FAT3: variants seen among roughly 807,000 people sequenced by gnomAD.
FAT3 encodes protocadherin Fat 3.
In FAT3, 95 loss-of-function variants were observed where a neutral mutation model predicts 310.2. The ratio of observed to expected loss-of-function variants is 0.31; its 90% CI spans 0.26 to 0.36. FAT3 has a LOEUF of 0.36. Ranked by LOEUF, FAT3 falls within the 10% of genes least tolerant of loss-of-function variation. The probability of loss-of-function intolerance (pLI) is 1.00; values close to 1 mark genes in which losing one functional copy is unlikely to be tolerated. For missense variants in FAT3, 5,408 were observed against 5,715.6 expected, an observed-to-expected ratio of 0.95 and a Z score of 1.74; for synonymous variants, 2,314 against 2,192.9, an observed-to-expected ratio of 1.06 and a Z score of -1.54.
chr11:92,229,802 T>G (rs899696673), intron 1 of FAT3, among the ~76,000 whole-genome samples: 1 of 150,840 alleles, frequency 6.6e-6, no homozygotes, highest in Non-Finnish European at 1.5e-5. Context: ...TTTCTTTTTT[T>G]TTTTTTTTTT....
At chr11:92,404,101 A>G (rs1471810326) in intron 2 of FAT3, among the ~76,000 whole-genome samples, 1 of 152,158 alleles carries the variant, frequency 6.6e-6, no homozygotes, top group East Asian at 1.9e-4. Flanking sequence ...CCTACCCTGA[A>G]GAGAAAAACA....
chr11:92,821,100 T>A (rs1458188162), intron 13 of FAT3, among the ~76,000 whole-genome samples: 3 of 152,154 alleles, frequency 2.0e-5, no homozygotes, highest in Non-Finnish European at 4.4e-5. Context: ...GGGCCTTCCA[T>A]GGGGCACTAG....
intron 2 of FAT3, among the ~76,000 whole-genome samples, chr11:92,509,982 A>C (rs1953239299): frequency 6.6e-6 from 1 of 152,132 alleles, no homozygotes; most frequent in Non-Finnish European, 1.5e-5. Context: ...TCTGCTGTTC[A>C]AAAGATTCAT....
intron 2 of FAT3, among the ~76,000 whole-genome samples, chr11:92,414,735 G>T (rs1188703211): frequency 1.3e-5 from 2 of 152,186 alleles, no homozygotes; most frequent in Non-Finnish European, 2.9e-5. Context: ...AATAGGCCGG[G>T]CGTGGTGGCT....
At chr11:92,679,985 G>T (rs1160933647) in intron 3 of FAT3, among the ~76,000 whole-genome samples, 2 of 147,870 alleles carry the variant, frequency 1.4e-5, no homozygotes, top group African/African-American at 5.0e-5. Flanking sequence ...GTTGTTTCTT[G>T]TATATTCTGA....
chr11:92,670,472 C>T (rs1305963284), intron 3 of FAT3, among the ~76,000 whole-genome samples: 1 of 152,156 alleles, frequency 6.6e-6, no homozygotes, highest in African/African-American at 2.4e-5. Context: ...AAATAGCATC[C>T]TTTTAGAGGA....
rs1332191992 is a variant in FAT3 at position 92,797,880 on chromosome 11, A to G, written c.4867A>G (p.Ile1623Val). 1.2e-6 allele frequency: 2 copies of G among 1,613,786 alleles called. No individual in the cohort carries two copies. Among genetic ancestry groups the G allele is most frequent in the Non-Finnish European group, 1.7e-6 (2 of 1,179,836 alleles). Residue 1623 changes from isoleucine to valine, a missense_variant, in exon 10 of 28, where the codon ATC becomes GTC. Ile to Val is a conservative substitution (Grantham distance 29). This residue lies in a region of FAT3 where 4,588 missense variants were observed against 4,809.8 expected (regional missense o/e 0.95). Transcript: ENST00000525166. ...TAAGATCGAACCGGTCCTAGGCATCATCACCATTTGCAAAGAACCAGACAT... is the reference window on the plus strand; with the variant it reads ...TAAGATCGAACCGGTCCTAGGCATCGTCACCATTTGCAAAGAACCAGACAT... ...MFKIEPVLGIITICKEPDMTT... is the reference protein window; with the variant it reads ...MFKIEPVLGIVTICKEPDMTT...
intron 3 of FAT3, among the ~76,000 whole-genome samples, chr11:92,535,659 G>C (rs1163885449): frequency 6.6e-6 from 1 of 152,162 alleles, no homozygotes; most frequent in African/African-American, 2.4e-5. Context: ...TGTTGTTGTA[G>C]TACTTATGAT....
At chr11:92,318,294 C>T (rs921103899) in intron 1 of FAT3, among the ~76,000 whole-genome samples, 2 of 152,114 alleles carry the variant, frequency 1.3e-5, no homozygotes, top group Admixed American at 6.6e-5. Flanking sequence ...AAAAGACCCC[C>T]ACAAAAGAAG....
chr11:92,768,164 G>A (rs1016587070), intron 6 of FAT3, among the ~76,000 whole-genome samples: 2 of 152,164 alleles, frequency 1.3e-5, no homozygotes, highest in Non-Finnish European at 2.9e-5. Flanking sequence ...ACTGCCTTCA[G>A]TTTCAGTGCA....
At position 92,895,670 on chromosome 11, in the gene FAT3, A is replaced by G. The variant is rs1950013607; in HGVS notation, c.*4557A>G. The G allele has an allele frequency of 6.6e-6, 1 of 152,222 alleles. No homozygotes were observed. Among genetic ancestry groups the G allele is most frequent in the Admixed American group, 6.5e-5 (1 of 15,284 alleles). 9.4% of individuals were successfully genotyped at this position (152,222 alleles called of 1,614,324 possible). A position where few individuals can be genotyped will look rare whatever the true frequency, so the allele number is the denominator to read the frequency against. ...TTGGGAGTGGCAAATGTGTTTGGAA[A>G]TGGAAGCAGTTCTTTTTAAGCACTG... On this transcript the variant is annotated 3_prime_UTR_variant, in exon 28 of 28. Transcript: ENST00000525166.
intron 23 of FAT3, 60 bp from the exon 24 acceptor site, chr11:92,882,678 C>T (rs879150969): frequency 2.7e-6 from 4 of 1,457,772 alleles, no homozygotes; most frequent in Non-Finnish European, 3.7e-6. Context: ...CTCGAGTTCC[C>T]GTATACCAAC....
At chr11:92,777,201 T>C (rs1042058538) in intron 7 of FAT3, among the ~76,000 whole-genome samples, 3 of 152,176 alleles carry the variant, frequency 2.0e-5, no homozygotes, top group Admixed American at 1.3e-4. Context: ...GGAACTTTTC[T>C]CTGCTTTGTT....
intron 2 of FAT3, among the ~76,000 whole-genome samples, chr11:92,362,967 T>C (rs1418643091): frequency 1.3e-5 from 2 of 152,186 alleles, no homozygotes; most frequent in South Asian, 4.1e-4. Flanking sequence ...ATCTAACTTA[T>C]GCTCTCCACA....
rs1347211242 is a variant in FAT3, at chr11:92,480,161, A to T, written c.3293-44473A>T. 2.0e-5 allele frequency among the ~76,000 whole-genome samples: 3 copies of T among 152,072 alleles called. No homozygotes were observed. In the East Asian group the frequency reaches 5.8e-4, roughly 29 times the overall value. Reference sequence around the variant, plus strand: ...GCGCCTGTAGTCCCAGCTACTCAGGAGGCTGAGGCAGGAGAATGGCATGAA... The same window carrying T: ...GCGCCTGTAGTCCCAGCTACTCAGGTGGCTGAGGCAGGAGAATGGCATGAA... On this transcript the variant is annotated intron_variant, in intron 2 of 27. Coordinates refer to ENST00000525166, the MANE Select transcript of FAT3 (RefSeq NM_001367949.2).
chr11:92,271,709 A>C (rs1946127211), intron 1 of FAT3, among the ~76,000 whole-genome samples: 1 of 151,954 alleles, frequency 6.6e-6, no homozygotes, highest in Non-Finnish European at 1.5e-5. Context: ...AGCTATTTTG[A>C]TTTATGTTTT....
chr11:92,839,966 G>A (rs983745620), intron 17 of FAT3, among the ~76,000 whole-genome samples: 1 of 152,154 alleles, frequency 6.6e-6, no homozygotes, highest in Non-Finnish European at 1.5e-5. Flanking sequence ...TCAAATGGAG[G>A]AATGTTTTAC....
At chr11:92,825,893 T>C (rs555698258) in intron 13 of FAT3, among the ~76,000 whole-genome samples, 1 of 152,106 alleles carries the variant, frequency 6.6e-6, no homozygotes, top group African/African-American at 2.4e-5. Context: ...TCAAGAGATA[T>C]CTCAGAGGCA....
intron 2 of FAT3, among the ~76,000 whole-genome samples, chr11:92,425,565 A>G (rs911743892): frequency 6.6e-6 from 1 of 151,508 alleles, no homozygotes; most frequent in African/African-American, 2.4e-5. Flanking sequence ...GCTCCAGTGT[A>G]TGATATTCCC....
Sources: allele counts gnomAD v4.1 joint callset (sites outside exome capture counted in the v4.1 genomes callset), GRCh38; gene constraint gnomAD v4.1.1; regional missense constraint gnomAD v4.1.1; transcripts MANE v1.5; gene names NCBI Gene and HGNC (gene_info 2026-07-23, HGNC 2026-07-21).